TMTC2: variants seen among roughly 807,000 people sequenced by gnomAD.
The protein encoded by TMTC2 is transmembrane O-mannosyltransferase targeting cadherins 2, also known as protein O-mannosyl-transferase TMTC2.
TMTC2 carries 43 observed loss-of-function variants against 82.4 expected under a neutral mutation model. The observed-to-expected ratio is 0.52, with a 90% CI of 0.41 to 0.67. The LOEUF (loss-of-function observed/expected upper bound fraction) is 0.67. TMTC2 is among the 30% of genes least tolerant of loss of function. The pLI, the probability that TMTC2 is intolerant of heterozygous loss-of-function variation, is 0.00. For synonymous variants in TMTC2, 408 were observed against 381.9 expected, an observed-to-expected ratio of 1.07 and a Z score of -0.80; for missense variants, 919 against 1,012.4, an observed-to-expected ratio of 0.91 and a Z score of 1.25.
intron 2 of TMTC2, among the ~76,000 whole-genome samples, chr12:82,894,089 C>T (rs1320595609): frequency 2.0e-5 from 3 of 152,050 alleles, no homozygotes; most frequent in Non-Finnish European, 4.4e-5. Context: ...CTGATGGTGA[C>T]GATGATTGGA....
chr12:82,754,172 G>A (rs1876170831), intron 1 of TMTC2, among the ~76,000 whole-genome samples: 1 of 152,228 alleles, frequency 6.6e-6, no homozygotes, highest in South Asian at 2.1e-4. Flanking sequence ...CTTATAATAA[G>A]AGTAATTGTA....
In TMTC2 at chr12:82,895,927, A is replaced by G; in HGVS notation, c.764A>G (p.Asn255Ser). 1.9e-6 allele frequency: 3 copies of G among 1,613,766 alleles called. No homozygotes were observed. The highest frequency in any genetic ancestry group is 2.5e-6 in the Non-Finnish European group (3 of 1,179,972). ...WMGNKPPSFS[N>S]SDNPAADSDS... Reference sequence around the variant, plus strand: ...GGAAACAAACCACCAAGCTTTTCCAACTCGGACAACCCCGCTGCTGATTCG... The same window carrying G: ...GGAAACAAACCACCAAGCTTTTCCAGCTCGGACAACCCCGCTGCTGATTCG... Residue 255 changes from asparagine to serine, a missense_variant, in exon 3 of 12, where the codon AAC (asparagine) becomes AGC (serine). Asn to Ser is a conservative substitution (Grantham distance 46). Transcript: ENST00000321196.
chr12:82,772,166 G>A (rs562495696), intron 1 of TMTC2, among the ~76,000 whole-genome samples: 107 of 152,280 alleles, frequency 7.0e-4, no homozygotes, highest in Non-Finnish European at 1.1e-3. Flanking sequence ...CTAGACTTAA[G>A]AGTTACTGTT....
At chr12:82,730,159 C>T (rs1341960340) in intron 1 of TMTC2, among the ~76,000 whole-genome samples, 1 of 151,966 alleles carries the variant, frequency 6.6e-6, no homozygotes, top group Non-Finnish European at 1.5e-5. Context: ...CCCAGACACA[C>T]TGGCACGTGC....
intron 4 of TMTC2, among the ~76,000 whole-genome samples, chr12:82,956,697 G>A (rs747229488): frequency 2.0e-5 from 3 of 151,936 alleles, no homozygotes; most frequent in East Asian, 1.9e-4. Context: ...CAGGTGATCC[G>A]CCCGCCTTTG....
chr12:82,851,996 GT>G (rs1275898832), intron 1 of TMTC2, among the ~76,000 whole-genome samples: 2 of 151,352 alleles, frequency 1.3e-5, no homozygotes, highest in Non-Finnish European at 2.9e-5. Flanking sequence ...GTTGGCCTTT[GT>G]CAACATTTTC....
chr12:83,007,538 A>C (rs2137379944), intron 8 of TMTC2, among the ~76,000 whole-genome samples: 1 of 152,212 alleles, frequency 6.6e-6, no homozygotes, highest in Non-Finnish European at 1.5e-5. Flanking sequence ...ATGTGCGTAC[A>C]ATTACCTTAC....
chr12:82,713,119 A>T (rs1873711987), intron 1 of TMTC2, among the ~76,000 whole-genome samples: 1 of 152,150 alleles, frequency 6.6e-6, no homozygotes, highest in Non-Finnish European at 1.5e-5. Flanking sequence ...CAGGGGTTCG[A>T]GACCAGCGTG....
At position 82,964,970 on chromosome 12, in the gene TMTC2, G is replaced by GTTTTTTTATATATATATATATATAAAAAA. The variant is rs1878121197; in HGVS notation, c.1599-50_1599-49insTTTATATATATATATATATAAAAAATTTT. On this transcript the variant is annotated intron_variant, in intron 4 of 11. Coordinates refer to ENST00000321196, the MANE Select transcript of TMTC2 (RefSeq NM_152588.3). ...TTGGAATATAAAATAAAAATTTGTG[G>GTTTTTTTATATATATATATATATAAAAAA]TTTTATATATAATAATACAGTCCTT... 20 of 1,314,284 alleles carry GTTTTTTTATATATATATATATATAAAAAA rather than the reference G, an allele frequency of 1.5e-5. No homozygotes were observed. In the Admixed American group the frequency reaches 4.2e-4, roughly 27 times the overall value. 81.4% of individuals were successfully genotyped at this position (1,314,284 alleles called of 1,614,324 possible).
intron 1 of TMTC2, among the ~76,000 whole-genome samples, chr12:82,779,665 G>A (rs1281398763): frequency 6.6e-6 from 1 of 152,146 alleles, no homozygotes; most frequent in Non-Finnish European, 1.5e-5. Flanking sequence ...TTGGGAGGCC[G>A]AGACAGGTGG....
At chr12:82,949,929 T>C (rs922928837) in intron 4 of TMTC2, among the ~76,000 whole-genome samples, 3 of 152,178 alleles carry the variant, frequency 2.0e-5, no homozygotes, top group African/African-American at 7.2e-5. Context: ...TTGACTGTCA[T>C]TGGGAGGCTG....
chr12:83,127,310 C>T (rs931874876), intron 11 of TMTC2, among the ~76,000 whole-genome samples: 1 of 151,998 alleles, frequency 6.6e-6, no homozygotes, highest in African/African-American at 2.4e-5. Flanking sequence ...ATGAATAAAT[C>T]CTTTGAATGG....
chr12:83,030,675 A>ATTTTT, intron 8 of TMTC2, 123 bp from the exon 9 acceptor site: 3 of 652,356 alleles, frequency 4.6e-6, no homozygotes, highest in Non-Finnish European at 7.7e-6. Context: ...TAAAAACAAA[A>ATTTTT]ATTTTTTTTT....
At chr12:82,922,650 T>C (rs1565811508) in intron 3 of TMTC2, among the ~76,000 whole-genome samples, 2 of 152,226 alleles carry the variant, frequency 1.3e-5, no homozygotes, top group South Asian at 4.1e-4. Flanking sequence ...ATCTAACATA[T>C]TTGATTTGTA....
chr12:82,806,144 C>T (rs1049361146), intron 1 of TMTC2, among the ~76,000 whole-genome samples: 3 of 152,070 alleles, frequency 2.0e-5, no homozygotes, highest in South Asian at 2.1e-4. Flanking sequence ...TTATTTTGTG[C>T]GTTGAGTTAA....
Position 83,050,959 on chromosome 12 carries a change from A to G in TMTC2, c.2208A>G (p.Lys736=), listed in dbSNP as rs548569751. Residue 736 remains lysine (K), a synonymous_variant, in exon 10 of 12, where the codon AAA becomes AAG. Transcript: ENST00000321196. ...TAGAAGCAGCTGAGATGGCAAAAAA[A>G]GCAGCTGAACTAGACAGCACAGAGT... The part of the protein sequence containing the change: ...RLIEAAEMAK[K]AAELDSTEFD... The G allele has an allele frequency of 1.9e-6, 3 of 1,613,564 alleles. No homozygotes were observed. Among genetic ancestry groups the G allele is most frequent in the South Asian group, 2.2e-5 (2 of 91,028 alleles).
chr12:83,044,469 G>A (rs1882016497), intron 9 of TMTC2, among the ~76,000 whole-genome samples: 1 of 152,090 alleles, frequency 6.6e-6, no homozygotes, highest in South Asian at 2.1e-4. Context: ...TCTTGAATCA[G>A]CTGTAGAATA....
At chr12:83,051,157 T>C (rs1882330297) in intron 10 of TMTC2, 139 bp downstream of exon 10, 2 of 602,688 alleles carry the variant, frequency 3.3e-6, no homozygotes, top group African/African-American at 1.9e-5. Flanking sequence ...AAATTAGAAA[T>C]ATTGTATTCA....
chr12:83,021,036 G>A (rs1434423), intron 8 of TMTC2, among the ~76,000 whole-genome samples: 89,913 of 151,864 alleles, frequency 0.59, 27,143 homozygotes, highest in South Asian at 0.73. Context: ...TAATTTGAAT[G>A]GTTATTTAAA....
Sources: gnomAD v4.1 joint callset for allele counts (sites outside exome capture counted in the v4.1 genomes callset) on GRCh38, gnomAD v4.1.1 for gene constraint, MANE v1.5 for transcripts, NCBI Gene and HGNC (gene_info 2026-07-23, HGNC 2026-07-21) for gene names.